Variants in HS3ST1 observed in about 807,000 individuals in gnomAD.
HS3ST1 encodes the protein heparan sulfate-glucosamine 3-sulfotransferase 1, also known as heparan sulfate glucosamine 3-O-sulfotransferase 1.
Under a neutral mutation model 20.7 loss-of-function variants are expected in HS3ST1, and 8 were observed. That is an observed-to-expected ratio of 0.39 (90% CI 0.23 to 0.70). The LOEUF (loss-of-function observed/expected upper bound fraction) is 0.70, where lower values mean the gene tolerates loss of function less well. Ranked by LOEUF, HS3ST1 falls within the 30% of genes least tolerant of loss-of-function variation. The pLI, the probability that HS3ST1 is intolerant of heterozygous loss-of-function variation, is 0.46. For synonymous variants in HS3ST1, 205 were observed against 190.4 expected (o/e 1.08, Z -0.63); for missense variants, 436 against 423.4 (o/e 1.03, Z -0.26).
intron 1 of HS3ST1, among the ~76,000 whole-genome samples, chr4:11,417,880 G>A (rs1258629214): frequency 6.6e-6 from 1 of 152,214 alleles, no homozygotes; most frequent in Non-Finnish European, 1.5e-5. Flanking sequence ...ACAAACAGAA[G>A]TGTAATTGTT....
chr4:11,401,028 C>G (rs1431588856), intron 1 of HS3ST1, among the ~76,000 whole-genome samples: 1 of 152,168 alleles, frequency 6.6e-6, no homozygotes, highest in Non-Finnish European at 1.5e-5. Context: ...GTTTGTATTG[C>G]AGCGGGAAAT....
At chr4:11,408,684 A>G (rs1431049744) in intron 1 of HS3ST1, among the ~76,000 whole-genome samples, 1 of 152,234 alleles carries the variant, frequency 6.6e-6, no homozygotes, top group Admixed American at 6.5e-5. Context: ...TAGAAGCAGA[A>G]ACACACTGGC....
upstream of HS3ST1, among the ~76,000 whole-genome samples, chr4:11,434,322 T>A (rs111964894): frequency 5.3e-3 from 806 of 152,328 alleles, 4 homozygotes; most frequent in African/African-American, 0.018. Flanking sequence ...TCTTTTAAGT[T>A]CCAGGATACC....
chr4:11,401,512 T>C (rs1718324129), intron 1 of HS3ST1, among the ~76,000 whole-genome samples: 1 of 152,040 alleles, frequency 6.6e-6, no homozygotes, highest in Non-Finnish European at 1.5e-5. Context: ...GCCCAGCTAA[T>C]TTTGTATTTT....
Position 11,396,472 on chromosome 4 carries a change from G to A in HS3ST1, c.*2610C>T, listed in dbSNP as rs1458069709. ...AGACCCACCCCTTCCACTGACACCTGTCTCTGTTAATGGAATTGGTAGAAG... is the reference window on the plus strand; with the variant it reads ...AGACCCACCCCTTCCACTGACACCTATCTCTGTTAATGGAATTGGTAGAAG... On this transcript the variant is annotated 3_prime_UTR_variant, in exon 2 of 2. Coordinates refer to ENST00000002596, the MANE Select transcript of HS3ST1 (RefSeq NM_005114.4). The A allele has an allele frequency of 6.6e-6, 1 of 152,290 alleles. No individual in the cohort carries two copies. The highest frequency in any genetic ancestry group is 2.4e-5 in the African/African-American group (1 of 41,450). The allele number at this position is 152,290 out of a possible 1,614,324, so 9.4% of individuals were successfully genotyped here.
At position 11,399,333 on chromosome 4, in the gene HS3ST1, A is replaced by T. The variant is rs756240710; in HGVS notation, c.673T>A (p.Phe225Ile). 2 of 1,614,100 alleles carry T rather than the reference A, an allele frequency of 1.2e-6. No homozygotes were observed. Among genetic ancestry groups the T allele is most frequent in the Non-Finnish European group, 1.7e-6 (2 of 1,180,016 alleles). ...VDGDRLIRDP[F>I]PEIQKVERFL... ...CTCTCGACCTTTTGGATCTCAGGGA[A>T]GGGGTCCCTGATGAGGCGGTCGCCG... is the stretch of plus-strand genomic sequence containing the variant. The change falls in exon 2 of 2, where the codon TTC (phenylalanine) becomes ATC (isoleucine). Residue 225 changes from phenylalanine (F) to isoleucine (I), a missense_variant. Coordinates refer to ENST00000002596, the MANE Select transcript of HS3ST1 (RefSeq NM_005114.4). This position sits in a 1 kb window ranked among gnomAD's most constrained non-coding sequence, Gnocchi z 5.1.
At position 11,422,039 on chromosome 4, in the gene HS3ST1, T is replaced by G. The variant is rs146626115; in HGVS notation, c.-109+6660A>C. 2.1e-3 allele frequency among the ~76,000 whole-genome samples: 315 copies of G among 152,372 alleles called. 1 individual carries two copies. Among genetic ancestry groups the G allele is most frequent in the African/African-American group, 6.6e-3 (273 of 41,586 alleles). Reference sequence around the variant, plus strand: ...TAAGGAATTATCTACTACATTCTTTTCATGCCAGAGTGCTTTTGCACAAGC... The same window carrying G: ...TAAGGAATTATCTACTACATTCTTTGCATGCCAGAGTGCTTTTGCACAAGC... On this transcript the variant is annotated intron_variant, in intron 1 of 1. Coordinates refer to ENST00000002596, the MANE Select transcript of HS3ST1 (RefSeq NM_005114.4).
At chr4:11,424,923 C>G (rs1719025031) in intron 1 of HS3ST1, among the ~76,000 whole-genome samples, 1 of 151,786 alleles carries the variant, frequency 6.6e-6, no homozygotes, top group African/African-American at 2.4e-5. Flanking sequence ...ATGTTTGGTT[C>G]CAACTGCTTA....
At position 11,399,054 on chromosome 4, in the gene HS3ST1, A is replaced by G. The variant is rs761514236; in HGVS notation, c.*28T>C. ...GATGTACACCAGAACTTACAGTAGGAAAGTTTCTGAGCTTAGCTTATTGCA... is the reference window on the plus strand; with the variant it reads ...GATGTACACCAGAACTTACAGTAGGGAAGTTTCTGAGCTTAGCTTATTGCA... On this transcript the variant is annotated 3_prime_UTR_variant, in exon 2 of 2. Transcript: ENST00000002596. This position sits in a 1 kb window ranked among gnomAD's most constrained non-coding sequence, Gnocchi z 5.1. 4.4e-6 allele frequency: 7 copies of G among 1,575,842 alleles called. No homozygotes were observed. The highest frequency in any genetic ancestry group is 6.1e-6 in the Non-Finnish European group (7 of 1,156,300).
intron 1 of HS3ST1, among the ~76,000 whole-genome samples, chr4:11,425,874 G>A (rs10008429): frequency 0.3 from 46,319 of 151,950 alleles, 8,266 homozygotes; most frequent in African/African-American, 0.5. Flanking sequence ...GCACTCTCCT[G>A]CCTTCTGCCA....
At chr4:11,418,680 G>A (rs1279524270) in intron 1 of HS3ST1, among the ~76,000 whole-genome samples, 1 of 152,102 alleles carries the variant, frequency 6.6e-6, no homozygotes, top group Non-Finnish European at 1.5e-5. Flanking sequence ...TGGGGCTTAG[G>A]GACAGGAGGA....
rs1010248131 is a variant in HS3ST1, at chr4:11,399,132, G to A, written c.874C>T (p.Pro292Ser). Reference protein sequence around the residue: ...LNKLHEYFHEPNKKFFELVGR... With the variant: ...LNKLHEYFHESNKKFFELVGR... ...ACAAGCTCGAAGAACTTCTTATTTG[G>A]CTCATGAAAATATTCGTGCAGTTTA... The change falls in exon 2 of 2, where the codon CCA (proline) becomes TCA (serine). Residue 292 changes from proline to serine, a missense_variant. By Grantham distance (74) the Pro-to-Ser change is moderately conservative (BLOSUM62 -1). Transcript: ENST00000002596. This position sits in a 1 kb window ranked among gnomAD's most constrained non-coding sequence, Gnocchi z 5.1. 1 of 1,613,882 alleles carries A rather than the reference G, an allele frequency of 6.2e-7. No homozygotes were observed. The highest frequency in any genetic ancestry group is 8.5e-7 in the Non-Finnish European group (1 of 1,179,924).
chr4:11,420,238 G>T (rs1277479205), intron 1 of HS3ST1, among the ~76,000 whole-genome samples: 2 of 152,174 alleles, frequency 1.3e-5, no homozygotes, highest in African/African-American at 4.8e-5. Context: ...AAGACCACAC[G>T]CAACAAAACT....
chr4:11,427,760 C>G (rs1460439456), intron 1 of HS3ST1, among the ~76,000 whole-genome samples: 1 of 152,172 alleles, frequency 6.6e-6, no homozygotes, highest in Non-Finnish European at 1.5e-5. Context: ...AGTTATAGAC[C>G]TATAACTGCA....
intron 1 of HS3ST1, among the ~76,000 whole-genome samples, chr4:11,427,455 A>C (rs1039993072): frequency 6.6e-6 from 1 of 152,214 alleles, no homozygotes; most frequent in South Asian, 2.1e-4. Context: ...CCATGCTAAC[A>C]GGAGACTGTT....
At chr4:11,409,911 AT>A (rs1327913716) in intron 1 of HS3ST1, among the ~76,000 whole-genome samples, 1 of 152,178 alleles carries the variant, frequency 6.6e-6, no homozygotes, top group Non-Finnish European at 1.5e-5. Flanking sequence ...TCTGGCAGAT[AT>A]TGTCAGAGAC....
chr4:11,409,708 A>G (rs145636306), intron 1 of HS3ST1, among the ~76,000 whole-genome samples: 4 of 152,356 alleles, frequency 2.6e-5, no homozygotes, highest in Non-Finnish European at 5.9e-5. Flanking sequence ...TGACTAGTAC[A>G]TGGTCCTCAG....
intron 1 of HS3ST1, among the ~76,000 whole-genome samples, chr4:11,410,241 C>T (rs771581535): frequency 2.6e-5 from 4 of 152,132 alleles, no homozygotes; most frequent in South Asian, 2.1e-4. Context: ...GGAAGATGCA[C>T]GTGGAAGGAA....
At position 11,400,127 on chromosome 4, in the gene HS3ST1, A is replaced by G; in HGVS notation, c.-108-14T>C. 7.0e-7 allele frequency: 1 copy of G among 1,426,528 alleles called. No individual in the cohort carries two copies. Among genetic ancestry groups the G allele is most frequent in the South Asian group, 1.5e-5 (1 of 65,774 alleles). 88.4% of individuals were successfully genotyped at this position (1,426,528 alleles called of 1,614,324 possible). On this transcript the variant is annotated splice_polypyrimidine_tract_variant and intron_variant, in intron 1 of 1. Coordinates refer to ENST00000002596, the MANE Select transcript of HS3ST1 (RefSeq NM_005114.4). ...GGCCTTCAATTACTAGGGAACAAAA[A>G]GGGAAGATATTAACATATAACAAAT...
Sources: gnomAD v4.1 joint callset for allele counts (sites outside exome capture counted in the v4.1 genomes callset) on GRCh38, gnomAD v4.1.1 for gene constraint, Gnocchi (gnomAD v3.1) non-coding constraint, MANE v1.5 for transcripts, NCBI Gene and HGNC (gene_info 2026-07-23, HGNC 2026-07-21) for gene names.